Variants in LINGO2 observed in about 807,000 individuals in gnomAD.
LINGO2 encodes the protein leucine-rich repeat and immunoglobulin-like domain-containing nogo receptor-interacting protein 2.
Under a neutral mutation model 30.6 loss-of-function variants are expected in LINGO2, and 14 were observed. The ratio of observed to expected loss-of-function variants is 0.46; its 90% CI spans 0.30 to 0.72. The LOEUF is 0.72. Among genes scored for constraint, LINGO2 ranks in the 30% least tolerant of loss-of-function variants. The pLI is 0.07. For missense variants in LINGO2, 729 were observed against 751.7 expected, an observed-to-expected ratio of 0.97 and a Z score of 0.35; for synonymous variants, 317 against 288.5, an observed-to-expected ratio of 1.10 and a Z score of -1.00.
chr9:28,281,955 C>T (rs10968434), intron 4 of LINGO2, among the ~76,000 whole-genome samples: 33,678 of 151,996 alleles, frequency 0.22, 4,190 homozygotes, highest in Non-Finnish European at 0.29. Flanking sequence ...TAAAGGCAAG[C>T]TGAATCTGCT....
At chr9:28,052,445 C>T (rs1429571816) in intron 4 of LINGO2, among the ~76,000 whole-genome samples, 2 of 152,044 alleles carry the variant, frequency 1.3e-5, no homozygotes, top group East Asian at 1.9e-4. Context: ...CTAGAGAGCA[C>T]ATTTCTGGGA....
At chr9:28,891,076 A>G in the LINGO2 span, among the ~76,000 whole-genome samples, 178 of 152,222 alleles carry the variant, frequency 1.2e-3, 1 homozygote, top group African/African-American at 4.2e-3. Flanking sequence ...TGGCAAATGC[A>G]TATCACAGAT....
At chr9:28,029,063 G>T (rs750075681) in intron 4 of LINGO2, among the ~76,000 whole-genome samples, 5 of 152,120 alleles carry the variant, frequency 3.3e-5, no homozygotes, top group East Asian at 1.9e-4. Context: ...GTATATAAAA[G>T]ACCATCTATG....
chr9:28,249,546 T>C (rs1476766117), intron 4 of LINGO2, among the ~76,000 whole-genome samples: 8 of 152,082 alleles, frequency 5.3e-5, no homozygotes, highest in Non-Finnish European at 1.2e-4. Flanking sequence ...TAATGGGCCT[T>C]AAGAATTTTT....
chr9:29,115,222 A>C, the LINGO2 span, among the ~76,000 whole-genome samples: 1 of 151,994 alleles, frequency 6.6e-6, no homozygotes, highest in African/African-American at 2.4e-5. Context: ...ATATTATCTA[A>C]CTTGCTCTCA....
At chr9:28,552,547 A>T (rs898601538) in intron 1 of LINGO2, among the ~76,000 whole-genome samples, 4 of 151,796 alleles carry the variant, frequency 2.6e-5, no homozygotes, top group African/African-American at 9.7e-5. Context: ...GTGTCTTAAG[A>T]TGGATCTATT....
intron 4 of LINGO2, among the ~76,000 whole-genome samples, chr9:28,276,805 T>G (rs1160293439): frequency 2.6e-5 from 4 of 152,220 alleles, no homozygotes; most frequent in African/African-American, 9.6e-5. Context: ...TTTGTTCTTT[T>G]ATATTAAAAG....
chr9:27,998,100 T>G (rs1344016654), intron 5 of LINGO2, among the ~76,000 whole-genome samples: 3 of 152,218 alleles, frequency 2.0e-5, no homozygotes, highest in Non-Finnish European at 4.4e-5. Flanking sequence ...CTTCTCTGTA[T>G]GCACAGGCCC....
At chr9:28,727,796 CGTGGACCAGAT>C in the LINGO2 span, among the ~76,000 whole-genome samples, 1 of 152,002 alleles carries the variant, frequency 6.6e-6, no homozygotes, top group South Asian at 2.1e-4. Context: ...ATGGGTTTCC[CGTGGACCAGAT>C]GTGGACCAAG....
At chr9:28,128,293 A>G (rs936094031) in intron 4 of LINGO2, among the ~76,000 whole-genome samples, 5 of 152,210 alleles carry the variant, frequency 3.3e-5, no homozygotes, top group African/African-American at 1.2e-4. Flanking sequence ...TTTCCATCAT[A>G]ACTGGAGCTT....
intron 1 of LINGO2, among the ~76,000 whole-genome samples, chr9:28,634,485 C>CTTTTTT (rs755583837): frequency 2.4e-5 from 3 of 124,670 alleles, no homozygotes; most frequent in African/African-American, 3.1e-5. Flanking sequence ...TTCTTTTTTT[C>CTTTTTT]TTTTTTTTTT....
intron 1 of LINGO2, among the ~76,000 whole-genome samples, chr9:28,609,245 C>T (rs567538601): frequency 6.8e-6 from 1 of 147,760 alleles, no homozygotes; most frequent in East Asian, 2.0e-4. Flanking sequence ...TATGTCCTTT[C>T]TAGCAAGGAT....
intron 3 of LINGO2, among the ~76,000 whole-genome samples, chr9:28,297,143 A>G (rs1823951658): frequency 6.6e-6 from 1 of 152,160 alleles, no homozygotes; most frequent in Non-Finnish European, 1.5e-5. Flanking sequence ...TTGCTTTGGA[A>G]GCACTCATCA....
chr9:28,786,432 T>A, the LINGO2 span, among the ~76,000 whole-genome samples: 1 of 152,156 alleles, frequency 6.6e-6, no homozygotes, highest in African/African-American at 2.4e-5. Flanking sequence ...ATCCTATAGT[T>A]TTCCTAGCAT....
chr9:28,607,023 A>G (rs181327743), intron 1 of LINGO2, among the ~76,000 whole-genome samples: 11 of 152,212 alleles, frequency 7.2e-5, no homozygotes, highest in African/African-American at 2.6e-4. Context: ...CAATTGAAAC[A>G]TTCAGTAACG....
intron 5 of LINGO2, among the ~76,000 whole-genome samples, chr9:27,960,542 C>A (rs1488290281): frequency 6.6e-6 from 1 of 151,184 alleles, no homozygotes; most frequent in Non-Finnish European, 1.5e-5. Flanking sequence ...ATCTGTAACA[C>A]ACAAAATGTG....
chr9:28,751,840 T>C, the LINGO2 span, among the ~76,000 whole-genome samples: 2 of 151,996 alleles, frequency 1.3e-5, no homozygotes, highest in African/African-American at 2.4e-5. Context: ...TGTGCACAAT[T>C]TGGGGACTGG....
chr9:28,343,785 C>A (rs1473073022), intron 3 of LINGO2, among the ~76,000 whole-genome samples: 1 of 152,128 alleles, frequency 6.6e-6, no homozygotes, highest in Non-Finnish European at 1.5e-5. Context: ...TGAAGAGTTT[C>A]TATCAGCTGC....
the LINGO2 span, among the ~76,000 whole-genome samples, chr9:28,834,896 A>G: frequency 2.0e-5 from 3 of 152,230 alleles, no homozygotes; most frequent in Non-Finnish European, 4.4e-5. Flanking sequence ...GAGGAAAAAA[A>G]CCATGTCTCG....
Sources: allele counts gnomAD v4.1 joint callset (sites outside exome capture counted in the v4.1 genomes callset), GRCh38; gene constraint gnomAD v4.1.1; transcripts MANE v1.5; gene names NCBI Gene and HGNC (gene_info 2026-07-23, HGNC 2026-07-21).